RAB43: variants seen among roughly 807,000 people sequenced by gnomAD.
RAB43 encodes ras-related protein Rab-43.
Under a neutral mutation model 18.8 loss-of-function variants are expected in RAB43, and 6 were observed. The ratio of observed to expected loss-of-function variants is 0.32; its 90% CI spans 0.17 to 0.63. The LOEUF is 0.63. Ranked by LOEUF, RAB43 falls within the 30% of genes least tolerant of loss-of-function variation. The pLI is 0.79. For missense variants in RAB43, 195 were observed against 289.1 expected, an observed-to-expected ratio of 0.67 and a Z score of 2.36; for synonymous variants, 103 against 124.1, an observed-to-expected ratio of 0.83 and a Z score of 1.13.
intron 1 of RAB43, among the ~76,000 whole-genome samples, chr3:129,113,174 T>A (rs924548835): frequency 3.3e-4 from 49 of 150,708 alleles, no homozygotes; most frequent in African/African-American, 1.1e-3. Context: ...ATTATTATTT[T>A]TTTTTTTTCG....
chr3:129,094,846 G>A (rs1159175554), intron 2 of RAB43, 140 bp downstream of exon 2: 7 of 1,182,174 alleles, frequency 5.9e-6, no homozygotes, highest in Non-Finnish European at 8.1e-6. Context: ...TGATTAGCAG[G>A]ATCAGGATTT....
chr3:129,100,133 C>T (rs781733320), intron 1 of RAB43, among the ~76,000 whole-genome samples: 3 of 152,114 alleles, frequency 2.0e-5, no homozygotes, highest in Non-Finnish European at 2.9e-5. Flanking sequence ...TGATAAAAGA[C>T]ATATTCCATA....
chr3:129,118,853 T>C (rs1935715033), intron 1 of RAB43, among the ~76,000 whole-genome samples: 2 of 152,202 alleles, frequency 1.3e-5, no homozygotes, highest in South Asian at 4.1e-4. Flanking sequence ...ACTGAATCCC[T>C]GATGTGCACT....
intron 1 of RAB43, among the ~76,000 whole-genome samples, chr3:129,101,923 G>A (rs1342347317): frequency 1.3e-5 from 2 of 152,144 alleles, no homozygotes; most frequent in African/African-American, 4.8e-5. Context: ...AACCAGCTTT[G>A]CACACACACA....
chr3:129,098,549 T>C (rs1189885221), intron 1 of RAB43, among the ~76,000 whole-genome samples: 1 of 151,926 alleles, frequency 6.6e-6, no homozygotes, highest in African/African-American at 2.4e-5. Context: ...GAACCACAGA[T>C]AAGGGAAAAA....
intron 1 of RAB43, among the ~76,000 whole-genome samples, chr3:129,112,262 T>TA (rs372301070): frequency 0.058 from 7,979 of 137,792 alleles, 217 homozygotes; most frequent in Non-Finnish European, 0.066. Context: ...AGACCCTGTT[T>TA]AAAAAAAAAA....
At chr3:129,103,381 T>C (rs1934556918) in intron 1 of RAB43, among the ~76,000 whole-genome samples, 1 of 152,188 alleles carries the variant, frequency 6.6e-6, no homozygotes, top group Non-Finnish European at 1.5e-5. Flanking sequence ...GAAACAGTGC[T>C]AGGATCTTGT....
At chr3:129,093,901 G>A (rs142737845) in intron 2 of RAB43, among the ~76,000 whole-genome samples, 274 of 151,594 alleles carry the variant, frequency 1.8e-3, no homozygotes, top group African/African-American at 5.1e-3. Context: ...ATCACGCCAC[G>A]GCACTCCAGC....
intron 1 of RAB43, among the ~76,000 whole-genome samples, chr3:129,109,136 T>A (rs566367641): frequency 6.6e-6 from 1 of 150,562 alleles, no homozygotes; most frequent in African/African-American, 2.4e-5. Context: ...TTTGGCTGGG[T>A]GCGGTGGCTC....
At chr3:129,099,174 C>T (rs181810414) in intron 1 of RAB43, among the ~76,000 whole-genome samples, 114 of 151,728 alleles carry the variant, frequency 7.5e-4, no homozygotes, top group Admixed American at 1.3e-3. Flanking sequence ...TCACTGCAAC[C>T]TCCGCCTCCC....
intron 1 of RAB43, among the ~76,000 whole-genome samples, chr3:129,103,327 A>G (rs1934552597): frequency 6.6e-6 from 1 of 152,156 alleles, no homozygotes; most frequent in African/African-American, 2.4e-5. Context: ...CCACACCTCC[A>G]ATTCACCCAG....
Position 129,095,774 on chromosome 3 carries a change from C to G in RAB43, c.205-605G>C, listed in dbSNP as rs1246995721. ...GCTTGGCCAAAGCAAGGAGCTTTGGCCACCCATGTCTTCATTTAACACCTA... is the reference window on the plus strand; with the variant it reads ...GCTTGGCCAAAGCAAGGAGCTTTGGGCACCCATGTCTTCATTTAACACCTA... On this transcript the variant is annotated intron_variant, in intron 1 of 2. Coordinates refer to ENST00000315150, the MANE Select transcript of RAB43 (RefSeq NM_198490.3). This position sits in a 1 kb window ranked among gnomAD's most constrained non-coding sequence, Gnocchi z 4.2. 6.6e-6 allele frequency among the ~76,000 whole-genome samples: 1 copy of G among 152,158 alleles called. No individual in the cohort carries two copies. Among genetic ancestry groups the G allele is most frequent in the Non-Finnish European group, 1.5e-5 (1 of 68,026 alleles).
chr3:129,096,751 T>C (rs991397126), intron 1 of RAB43, among the ~76,000 whole-genome samples: 2 of 151,424 alleles, frequency 1.3e-5, no homozygotes, highest in Non-Finnish European at 2.9e-5. Context: ...AACATCAGGG[T>C]TGGAAGATAA....
At chr3:129,094,873 A>G in intron 2 of RAB43, 113 bp downstream of exon 2, 1 of 1,418,378 alleles carries the variant, frequency 7.1e-7, no homozygotes, top group South Asian at 1.4e-5. Flanking sequence ...CCATGGCTCA[A>G]ACTCTGGCTG....
At chr3:129,105,823 C>T (rs967931724) in intron 1 of RAB43, among the ~76,000 whole-genome samples, 1 of 151,740 alleles carries the variant, frequency 6.6e-6, no homozygotes, top group African/African-American at 2.4e-5. Flanking sequence ...AAACAAAAAG[C>T]GGGCTTTGTA....
At position 129,121,554 on chromosome 3, in the gene RAB43, G is replaced by T. The variant is rs1935935892; in HGVS notation, c.-65C>A. The stretch of plus-strand genomic sequence containing the variant: ...GGACCGGCCTGAGCTCACGCAAGCC[G>T]CGGGCCGAGCTCCGCCCGCTCCAGC... On this transcript the variant is annotated 5_prime_UTR_variant, in exon 1 of 3. Coordinates refer to ENST00000315150, the MANE Select transcript of RAB43 (RefSeq NM_198490.3). The T allele has an allele frequency of 3.6e-6, 5 of 1,380,852 alleles. No homozygotes were observed. The South Asian group carries it at 5.6e-5, about 15-fold the overall frequency. The allele number at this position is 1,380,852 out of a possible 1,614,324, so 85.5% of individuals were successfully genotyped here. A position where few individuals can be genotyped will look rare whatever the true frequency, so the allele number is the denominator to read the frequency against.
intron 1 of RAB43, among the ~76,000 whole-genome samples, chr3:129,116,527 A>T (rs1471654735): frequency 1.3e-5 from 2 of 152,242 alleles, no homozygotes; most frequent in Non-Finnish European, 2.9e-5. Context: ...AAGGACTGTG[A>T]ATGCAAACTT....
In RAB43 at chr3:129,113,856, G is replaced by A. The variant is rs766965419; in HGVS notation, c.204+7430C>T. On this transcript the variant is annotated intron_variant, in intron 1 of 2. Transcript: ENST00000315150. ...ATCCTGGCTAACATGGTGACACCCCGTCTCTACTAAAAATACAAAAATTAG... is the reference window on the plus strand; with the variant it reads ...ATCCTGGCTAACATGGTGACACCCCATCTCTACTAAAAATACAAAAATTAG... Among the ~76,000 whole-genome samples the A allele has an allele frequency of 1.2e-3, 176 of 152,122 alleles. 1 individual carries two copies. The highest frequency in any genetic ancestry group is 3.4e-3 in the Middle Eastern group (1 of 294).
At chr3:129,099,014 A>G (rs1163878250) in intron 1 of RAB43, among the ~76,000 whole-genome samples, 5 of 152,028 alleles carry the variant, frequency 3.3e-5, no homozygotes, top group Non-Finnish European at 7.4e-5. Flanking sequence ...CAGAGGTTGC[A>G]GTGAGCCCAG....
Sources: allele counts gnomAD v4.1 joint callset (sites outside exome capture counted in the v4.1 genomes callset), GRCh38; gene constraint gnomAD v4.1.1; non-coding constraint Gnocchi (gnomAD v3.1); transcripts MANE v1.5; gene names NCBI Gene and HGNC (gene_info 2026-07-23, HGNC 2026-07-21).